PDGFRA: variants seen among roughly 807,000 people sequenced by gnomAD.
PDGFRA encodes the protein platelet-derived growth factor receptor alpha.
In PDGFRA, 25 loss-of-function variants were observed where a neutral mutation model predicts 121.5. That is an observed-to-expected ratio of 0.21 (90% CI 0.15 to 0.29). PDGFRA has a LOEUF of 0.29. PDGFRA is among the 10% of genes least tolerant of loss of function. The probability of loss-of-function intolerance (pLI) is 1.00; values close to 1 mark genes in which losing one functional copy is unlikely to be tolerated. For missense variants in PDGFRA, 1,008 were observed against 1,345.1 expected, an observed-to-expected ratio of 0.75 and a Z score of 3.92; for synonymous variants, 463 against 494.8, an observed-to-expected ratio of 0.94 and a Z score of 0.85.
chr4:54,236,575 G>A (rs1560446461), intron 1 of PDGFRA, among the ~76,000 whole-genome samples: 1 of 152,182 alleles, frequency 6.6e-6, no homozygotes. Flanking sequence ...AAGCCGACGT[G>A]GGTGAATCAC....
chr4:54,245,153 T>C (rs1721562299), intron 1 of PDGFRA, among the ~76,000 whole-genome samples: 1 of 152,200 alleles, frequency 6.6e-6, no homozygotes, highest in Non-Finnish European at 1.5e-5. Flanking sequence ...TGCAGGATAT[T>C]ATCCAGGAGA....
At position 54,295,396 on chromosome 4, in the gene PDGFRA, G is replaced by A; in HGVS notation, c.*124G>A. On this transcript the variant is annotated 3_prime_UTR_variant, in exon 23 of 23. Transcript: ENST00000257290. ...GTTGATGTTTAAAGAGAAGTTCCCA[G>A]CCAAGGGCCTCGGGGAGCGTTCTAA... is the stretch of plus-strand genomic sequence containing the variant. The A allele has an allele frequency of 3.2e-6, 3 of 925,062 alleles. No homozygotes were observed. The highest frequency in any genetic ancestry group is 5.2e-6 in the Non-Finnish European group (3 of 577,880). 57.3% of individuals were successfully genotyped at this position (925,062 alleles called of 1,614,324 possible).
At chr4:54,246,531 A>G (rs1024561666) in intron 1 of PDGFRA, among the ~76,000 whole-genome samples, 1 of 152,216 alleles carries the variant, frequency 6.6e-6, no homozygotes, top group Non-Finnish European at 1.5e-5. Context: ...GAACAAAGAC[A>G]CAACATACCA....
chr4:54,238,972 CA>C (rs1721154018), intron 1 of PDGFRA, among the ~76,000 whole-genome samples: 1 of 151,648 alleles, frequency 6.6e-6, no homozygotes, highest in Non-Finnish European at 1.5e-5. Context: ...GACCCTGTCT[CA>C]AAAATAGATA....
At chr4:54,283,078 C>T (rs1171665809) in intron 16 of PDGFRA, among the ~76,000 whole-genome samples, 1 of 152,160 alleles carries the variant, frequency 6.6e-6, no homozygotes. Flanking sequence ...TGTGGTTTTT[C>T]CTGGTGCAGA....
At chr4:54,253,780 G>A (rs189364042) in intron 1 of PDGFRA, among the ~76,000 whole-genome samples, 1 of 152,128 alleles carries the variant, frequency 6.6e-6, no homozygotes, top group African/African-American at 2.4e-5. Context: ...TGCCTCCTGG[G>A]TTCAAGTGAT....
intron 1 of PDGFRA, among the ~76,000 whole-genome samples, chr4:54,256,913 AG>A (rs1722404538): frequency 6.6e-6 from 1 of 152,098 alleles, no homozygotes; most frequent in African/African-American, 2.4e-5. Flanking sequence ...CTCTTGGGCT[AG>A]GCATGGGGGT....
chr4:54,289,132 G>A lies in PDGFRA; in HGVS notation c.2880+18G>A. 1.5e-6 allele frequency: 2 copies of A among 1,376,330 alleles called. No individual in the cohort carries two copies. The highest frequency in any genetic ancestry group is 2.1e-6 in the Non-Finnish European group (2 of 962,938). 85.3% of individuals were successfully genotyped at this position (1,376,330 alleles called of 1,614,324 possible). On this transcript the variant is annotated intron_variant, in intron 21 of 22. Coordinates refer to ENST00000257290, the MANE Select transcript of PDGFRA (RefSeq NM_006206.6). ...ATAAAAAGGTGTGTTTGGATCTGTGGGTGGAAAGGTCTGGATAAAGCTGGA... is the reference window on the plus strand; with the variant it reads ...ATAAAAAGGTGTGTTTGGATCTGTGAGTGGAAAGGTCTGGATAAAGCTGGA...
rs532183638 is a variant in PDGFRA, at chr4:54,297,765, A to G, written c.*2493A>G. 1 of 233,668 alleles carries G rather than the reference A, an allele frequency of 4.3e-6. No homozygotes were observed. The highest frequency in any genetic ancestry group is 2.2e-5 in the African/African-American group (1 of 45,470). 14.5% of individuals were successfully genotyped at this position (233,668 alleles called of 1,614,324 possible). On this transcript the variant is annotated 3_prime_UTR_variant, in exon 23 of 23. Coordinates refer to ENST00000257290, the MANE Select transcript of PDGFRA (RefSeq NM_006206.6). ...TTTCCTACTTTCTATTTTTATGATGACAATCAAAGCCGGCCTGAGAAACAC... is the reference window on the plus strand; with the variant it reads ...TTTCCTACTTTCTATTTTTATGATGGCAATCAAAGCCGGCCTGAGAAACAC...
At chr4:54,293,704 T>C (rs1724740675) in intron 22 of PDGFRA, among the ~76,000 whole-genome samples, 1 of 152,168 alleles carries the variant, frequency 6.6e-6, no homozygotes, top group Non-Finnish European at 1.5e-5. Context: ...ATGCTGGGAT[T>C]ATAGGCATGA....
intron 22 of PDGFRA, among the ~76,000 whole-genome samples, chr4:54,292,356 A>G (rs896300503): frequency 7.9e-5 from 12 of 152,260 alleles, no homozygotes. Context: ...GAATGAGATC[A>G]TGTCCTTTGC....
At position 54,237,440 on chromosome 4, in the gene PDGFRA, C is replaced by T. The variant is rs541271997; in HGVS notation, c.-13+8025C>T. On this transcript the variant is annotated intron_variant, in intron 1 of 22. Coordinates refer to ENST00000257290, the MANE Select transcript of PDGFRA (RefSeq NM_006206.6). ...TAAGCTGGAGAAAGCTTTAAAGATG[C>T]ATCTTTGGCAAGTCTTGCCAAAGAA... is the stretch of plus-strand genomic sequence containing the variant. Among the ~76,000 whole-genome samples, 3 of 152,314 alleles carry T rather than the reference C, an allele frequency of 2.0e-5. No individual in the cohort carries two copies. The South Asian group carries it at 6.2e-4, about 32-fold the overall frequency.
chr4:54,289,056 C>A lies in PDGFRA; in HGVS notation c.2822C>A (p.Pro941His). Residue 941 changes from proline to histidine, a missense_variant, in exon 21 of 23, where the codon CCC (proline) becomes CAC (histidine). Physicochemically the swap from Pro to His is moderately conservative, Grantham distance 77 (BLOSUM62 -2). This residue lies in a region of PDGFRA where 204 missense variants were observed against 243.0 expected (regional missense o/e 0.84). Transcript: ENST00000257290. ...TGGAACAGTGAGCCGGAGAAGAGACCCTCCTTTTACCACCTGAGTGAGATT... is the reference window on the plus strand; with the variant it reads ...TGGAACAGTGAGCCGGAGAAGAGACACTCCTTTTACCACCTGAGTGAGATT... ...KCWNSEPEKRPSFYHLSEIVE... is the reference protein window; with the variant it reads ...KCWNSEPEKRHSFYHLSEIVE... 1 of 1,611,634 alleles carries A rather than the reference C, an allele frequency of 6.2e-7. No individual in the cohort carries two copies. The highest frequency in any genetic ancestry group is 8.5e-7 in the Non-Finnish European group (1 of 1,177,824).
intron 7 of PDGFRA, 118 bp downstream of exon 7, chr4:54,267,859 G>A (rs774087008): frequency 7.6e-6 from 6 of 788,282 alleles, no homozygotes; most frequent in Non-Finnish European, 1.1e-5. Context: ...AACAATCTGA[G>A]TTAAGAGATG....
chr4:54,253,898 T>C, intron 1 of PDGFRA, among the ~76,000 whole-genome samples: 1 of 152,252 alleles, frequency 6.6e-6, no homozygotes, highest in Non-Finnish European at 1.5e-5. Flanking sequence ...TTGGCCAGGC[T>C]GGTCTTGAAC....
intron 11 of PDGFRA, 76 bp from the exon 12 acceptor site, chr4:54,274,765 A>T (rs2110298450): frequency 5.8e-6 from 9 of 1,546,440 alleles, no homozygotes; most frequent in Non-Finnish European, 8.0e-6. Context: ...GTGTCCAGTC[A>T]CTGTGCTGCT....
chr4:54,246,869 A>G (rs1399604387), intron 1 of PDGFRA, among the ~76,000 whole-genome samples: 2 of 152,136 alleles, frequency 1.3e-5, no homozygotes, highest in East Asian at 3.8e-4. Flanking sequence ...ACGCAAAAAA[A>G]AAAATGATAA....
intron 1 of PDGFRA, among the ~76,000 whole-genome samples, chr4:54,245,442 A>T (rs1322665763): frequency 2.6e-5 from 4 of 151,686 alleles, no homozygotes; most frequent in African/African-American, 4.8e-5. Context: ...TTCAACCCAG[A>T]ATTTCATATC....
At chr4:54,229,619 G>GA (rs1343385165) in intron 1 of PDGFRA, among the ~76,000 whole-genome samples, 1 of 151,816 alleles carries the variant, frequency 6.6e-6, no homozygotes, top group African/African-American at 2.4e-5. Context: ...CATAGAGTTA[G>GA]AAAGTCTAGG....
Sources: gnomAD v4.1 joint callset for allele counts (sites outside exome capture counted in the v4.1 genomes callset) on GRCh38, gnomAD v4.1.1 for gene constraint, gnomAD v4.1.1 regional missense constraint, MANE v1.5 for transcripts, NCBI Gene and HGNC (gene_info 2026-07-23, HGNC 2026-07-21) for gene names.